Variants in SNX29 observed in about 807,000 individuals in gnomAD.
SNX29 encodes the protein sorting nexin 29.
SNX29 carries 78 observed loss-of-function variants against 102.1 expected under a neutral mutation model. The observed-to-expected ratio is 0.76, with a 90% confidence interval of 0.64 to 0.92. The LOEUF is 0.92. Among genes scored for constraint, SNX29 ranks in the 40% least tolerant of loss-of-function variants. The pLI is 0.00. For missense variants in SNX29, 1,280 were observed against 1,061.7 expected (o/e 1.21, Z -2.86); for synonymous variants, 580 against 414.5 (o/e 1.40, Z -4.85).
chr16:12,147,274 A>T (rs962049115), intron 13 of SNX29, among the ~76,000 whole-genome samples: 4 of 152,224 alleles, frequency 2.6e-5, no homozygotes, highest in African/African-American at 9.7e-5. Context: ...AAAAGGGAGA[A>T]GGTTGTGTCT....
At chr16:12,172,888 C>T (rs2076180118) in intron 13 of SNX29, among the ~76,000 whole-genome samples, 1 of 152,196 alleles carries the variant, frequency 6.6e-6, no homozygotes, top group Non-Finnish European at 1.5e-5. Context: ...GCCGTATGGT[C>T]TTCGTCGCAG....
chr16:12,236,663 G>A (rs189106361), intron 14 of SNX29, among the ~76,000 whole-genome samples: 1 of 152,304 alleles, frequency 6.6e-6, no homozygotes, highest in African/African-American at 2.4e-5. Context: ...ACCAGCCACA[G>A]GCTACCACTG....
At chr16:12,115,477 A>C (rs1257253356) in intron 11 of SNX29, among the ~76,000 whole-genome samples, 3 of 128,456 alleles carry the variant, frequency 2.3e-5, no homozygotes, top group African/African-American at 3.3e-5. Context: ...GGGTTGCTCC[A>C]CCTTGATTTG....
chr16:12,439,857 C>A (rs1022209020), intron 18 of SNX29, among the ~76,000 whole-genome samples: 2 of 152,228 alleles, frequency 1.3e-5, no homozygotes, highest in Non-Finnish European at 2.9e-5. Context: ...CACTAACATG[C>A]TTGGTGCAGG....
At chr16:12,547,539 A>C (rs1301068162) in intron 20 of SNX29, among the ~76,000 whole-genome samples, 1 of 152,116 alleles carries the variant, frequency 6.6e-6, no homozygotes, top group Non-Finnish European at 1.5e-5. Context: ...AACTGGAAGA[A>C]CAGAGTCCTG....
chr16:12,298,038 T>C (rs2080040215), intron 15 of SNX29, among the ~76,000 whole-genome samples: 1 of 152,148 alleles, frequency 6.6e-6, no homozygotes, highest in Non-Finnish European at 1.5e-5. Context: ...GGCATGGTGG[T>C]GTGCGTCTGC....
intron 13 of SNX29, among the ~76,000 whole-genome samples, chr16:12,145,344 A>C (rs2055022867): frequency 1.3e-5 from 2 of 152,106 alleles, no homozygotes; most frequent in Non-Finnish European, 2.9e-5. Context: ...TAGTTACACC[A>C]CTGTTTGTTG....
At chr16:12,078,450 GA>G (rs536230861) in intron 10 of SNX29, among the ~76,000 whole-genome samples, 15 of 150,866 alleles carry the variant, frequency 9.9e-5, no homozygotes, top group Middle Eastern at 3.4e-3. Flanking sequence ...AAGAAAAGTG[GA>G]AAAAAAAATG....
intron 16 of SNX29, among the ~76,000 whole-genome samples, chr16:12,370,117 G>A (rs921722269): frequency 1.3e-5 from 2 of 151,982 alleles, no homozygotes; most frequent in African/African-American, 4.8e-5. Context: ...AGCTACTCGG[G>A]AGGCTGAAGC....
chr16:12,550,508 C>A (rs559526456), intron 20 of SNX29, among the ~76,000 whole-genome samples: 20 of 145,234 alleles, frequency 1.4e-4, no homozygotes, highest in African/African-American at 4.7e-4. Flanking sequence ...ACATTCCAGT[C>A]TGGGAGACAC....
chr16:12,124,361 A>G (rs2054114035), intron 11 of SNX29, among the ~76,000 whole-genome samples: 2 of 151,804 alleles, frequency 1.3e-5, no homozygotes, highest in Admixed American at 1.3e-4. Context: ...GTCTCAAAAA[A>G]AAAAAAAAAC....
Position 12,571,830 on chromosome 16 carries a change from T to G in SNX29, c.*3201T>G. ...AAATTCCAGCTTCTTTGATTCCCAC[T>G]TAGCAGTATGCTCCAATCACGTTGC... On this transcript the variant is annotated 3_prime_UTR_variant, in exon 21 of 21. Coordinates refer to ENST00000566228, the MANE Select transcript of SNX29 (RefSeq NM_032167.5). 9.6e-7 allele frequency: 1 copy of G among 1,045,264 alleles called. No homozygotes were observed. The highest frequency in any genetic ancestry group is 1.2e-6 in the Non-Finnish European group (1 of 862,152). The allele number at this position is 1,045,264 out of a possible 1,614,324, so 64.7% of individuals were successfully genotyped here.
chr16:12,422,440 A>ACT (rs2084909695), intron 18 of SNX29, among the ~76,000 whole-genome samples: 1 of 152,192 alleles, frequency 6.6e-6, no homozygotes, highest in South Asian at 2.1e-4. Context: ...TGGTAACATA[A>ACT]CTGTTACTTC....
At chr16:12,294,179 A>G (rs2079899615) in intron 15 of SNX29, among the ~76,000 whole-genome samples, 1 of 152,216 alleles carries the variant, frequency 6.6e-6, no homozygotes, top group African/African-American at 2.4e-5. Flanking sequence ...TGAGCCTCAG[A>G]TGTCTGCGTC....
At chr16:12,322,841 C>CACTAGAGGACCACTGTCAGGATGT (rs1567437178) in intron 15 of SNX29, among the ~76,000 whole-genome samples, 19 of 47,054 alleles carry the variant, frequency 4.0e-4, no homozygotes, top group African/African-American at 1.1e-3. Context: ...TGTCAGGATG[C>CACTAGAGGACCACTGTCAGGATGT]GGTCACTAGG....
intron 15 of SNX29, among the ~76,000 whole-genome samples, chr16:12,293,141 T>C (rs1414650917): frequency 6.6e-6 from 1 of 152,224 alleles, no homozygotes; most frequent in Non-Finnish European, 1.5e-5. Context: ...GCGGTCTTGC[T>C]ATGTTGGCCA....
intron 15 of SNX29, among the ~76,000 whole-genome samples, chr16:12,328,527 G>A (rs1596932408): frequency 6.6e-6 from 1 of 152,138 alleles, no homozygotes. Flanking sequence ...CTGTGGGCAG[G>A]AGGACTTCTG....
At chr16:12,257,271 CTG>C (rs1490336942) in intron 14 of SNX29, among the ~76,000 whole-genome samples, 2 of 152,202 alleles carry the variant, frequency 1.3e-5, no homozygotes, top group African/African-American at 4.8e-5. Context: ...TGCTTCTCCT[CTG>C]TGGTTGTCTT....
rs186531282 is a variant in SNX29 at position 12,299,161 on chromosome 16, A to G, written c.1782+21125A>G. Among the ~76,000 whole-genome samples, 114 of 152,158 alleles carry G rather than the reference A, an allele frequency of 7.5e-4. 1 individual carries two copies. The East Asian group carries it at 0.018, about 24-fold the overall frequency. The stretch of plus-strand genomic sequence containing the variant: ...CTAAAAATACAAAAATTAGTTGGGT[A>G]TGGTGGCACATGCTTGTAATCTCAG... On this transcript the variant is annotated intron_variant, in intron 15 of 20. Transcript: ENST00000566228.
Sources: gnomAD v4.1 joint callset for allele counts (sites outside exome capture counted in the v4.1 genomes callset) on GRCh38, gnomAD v4.1.1 for gene constraint, MANE v1.5 for transcripts, NCBI Gene and HGNC (gene_info 2026-07-23, HGNC 2026-07-21) for gene names.